The following TRHDE variants were observed in gnomAD, a reference collection of about 807,000 sequenced individuals.
TRHDE encodes the protein thyrotropin-releasing hormone-degrading ectoenzyme.
TRHDE carries 72 observed loss-of-function variants against 125.7 expected under a neutral mutation model. The observed-to-expected ratio is 0.57, with a 90% CI of 0.47 to 0.70. The LOEUF (loss-of-function observed/expected upper bound fraction) is 0.70. TRHDE is among the 30% of genes least tolerant of loss of function. The probability of loss-of-function intolerance (pLI) is 0.00; values close to 1 mark genes in which losing one functional copy is unlikely to be tolerated. For synonymous variants in TRHDE, 509 were observed against 509.1 expected (o/e 1.00, Z 0.00); for missense variants, 1,110 against 1,327.1 (o/e 0.84, Z 2.54).
rs541494018 is a variant in TRHDE, at chr12:72,520,574, A to T, written c.1722+20939A>T. Among the ~76,000 whole-genome samples the T allele has an allele frequency of 2.0e-5, 3 of 152,276 alleles. No homozygotes were observed. The South Asian group carries it at 6.2e-4, about 32-fold the overall frequency. On this transcript the variant is annotated intron_variant, in intron 6 of 18. Coordinates refer to ENST00000261180, the MANE Select transcript of TRHDE (RefSeq NM_013381.3). Reference sequence around the variant, plus strand: ...CCTAGTGAGATGAACCCGGTACCTCAGATGGAAATGCAGAAATCACCTGGC... The same window carrying T: ...CCTAGTGAGATGAACCCGGTACCTCTGATGGAAATGCAGAAATCACCTGGC...
At chr12:72,250,627 A>G (rs775067453) in intron 2 of TRHDE, among the ~76,000 whole-genome samples, 1 of 151,986 alleles carries the variant, frequency 6.6e-6, no homozygotes, top group African/African-American at 2.4e-5. Context: ...TGGATGCTCA[A>G]AGAATGTTTG....
At chr12:72,495,073 T>TG (rs1877853605) in intron 5 of TRHDE, among the ~76,000 whole-genome samples, 3 of 140,940 alleles carry the variant, frequency 2.1e-5, no homozygotes, top group South Asian at 4.6e-4. Flanking sequence ...TTTTTTTTTT[T>TG]TTTTTTTTTT....
At chr12:72,450,270 A>C (rs926902499) in intron 3 of TRHDE, among the ~76,000 whole-genome samples, 4 of 152,018 alleles carry the variant, frequency 2.6e-5, no homozygotes, top group Non-Finnish European at 5.9e-5. Flanking sequence ...TTCTCCTCCC[A>C]TCTAAAGCAG....
At chr12:72,517,621 G>A (rs1049009219) in intron 6 of TRHDE, among the ~76,000 whole-genome samples, 1 of 152,032 alleles carries the variant, frequency 6.6e-6, no homozygotes, top group Non-Finnish European at 1.5e-5. Context: ...ATTTTTTGAA[G>A]GGTTTTTTGT....
At chr12:72,341,583 A>T (rs10879404) in intron 2 of TRHDE, among the ~76,000 whole-genome samples, 2 of 152,026 alleles carry the variant, frequency 1.3e-5, no homozygotes, top group Admixed American at 1.3e-4. Flanking sequence ...TGTTGTTATC[A>T]GATGTTTGCT....
At chr12:72,604,048 T>TA (rs895105047) in intron 12 of TRHDE, among the ~76,000 whole-genome samples, 24 of 150,380 alleles carry the variant, frequency 1.6e-4, no homozygotes, top group South Asian at 4.2e-4. Flanking sequence ...GAATCAAAGA[T>TA]AAAAAAAAAG....
chr12:72,538,497 G>T (rs1350932701), intron 6 of TRHDE, among the ~76,000 whole-genome samples: 1 of 151,892 alleles, frequency 6.6e-6, no homozygotes, highest in Non-Finnish European at 1.5e-5. Context: ...ACAATTATAC[G>T]ATTCTGTTTT....
chr12:72,272,198 C>T, upstream of TRHDE: 1 of 441,172 alleles, frequency 2.3e-6, no homozygotes, highest in Middle Eastern at 3.8e-4. This position sits in a 1 kb window ranked among gnomAD's most constrained non-coding sequence, Gnocchi z 6.7. Context: ...CCCTAACTTC[C>T]CTCTCTACAC....
At chr12:72,580,451 T>C (rs563330567) in intron 12 of TRHDE, among the ~76,000 whole-genome samples, 33 of 152,352 alleles carry the variant, frequency 2.2e-4, no homozygotes, top group African/African-American at 7.9e-4. Flanking sequence ...ATTTGTTTTT[T>C]GTTTTTTGAG....
At chr12:72,133,642 T>C (rs1413597900) in intron 2 of TRHDE, among the ~76,000 whole-genome samples, 5 of 151,576 alleles carry the variant, frequency 3.3e-5, no homozygotes, top group Non-Finnish European at 1.5e-5. Context: ...GGGTAATGAC[T>C]GATATAGAGG....
intron 2 of TRHDE, among the ~76,000 whole-genome samples, chr12:72,238,467 C>T (rs546750719): frequency 3.4e-5 from 5 of 148,778 alleles, no homozygotes; most frequent in East Asian, 2.0e-4. Context: ...TAGGTATGCA[C>T]GTGCCATGCT....
At chr12:72,170,510 C>A (rs1406281204) in intron 2 of TRHDE, among the ~76,000 whole-genome samples, 1 of 152,092 alleles carries the variant, frequency 6.6e-6, no homozygotes, top group Non-Finnish European at 1.5e-5. Context: ...ATATGGCCCT[C>A]ATTGGTCTAC....
At chr12:72,315,918 T>G (rs1468662369) in intron 2 of TRHDE, among the ~76,000 whole-genome samples, 2 of 152,188 alleles carry the variant, frequency 1.3e-5, no homozygotes, top group Non-Finnish European at 2.9e-5. Context: ...AATGATTTTT[T>G]CCCCCTTTTT....
chr12:72,598,422 A>G (rs1057333871), intron 12 of TRHDE, among the ~76,000 whole-genome samples: 2 of 152,206 alleles, frequency 1.3e-5, no homozygotes, highest in African/African-American at 4.8e-5. Flanking sequence ...TGGGAATTTA[A>G]ATGCTTACCT....
At chr12:72,614,336 T>TTTTG (rs1449392198) in intron 12 of TRHDE, among the ~76,000 whole-genome samples, 1 of 70,908 alleles carries the variant, frequency 1.4e-5, no homozygotes, top group Non-Finnish European at 2.4e-5. Flanking sequence ...ATATATTTTT[T>TTTTG]TTTTCTCTAG....
intron 7 of TRHDE, among the ~76,000 whole-genome samples, chr12:72,549,597 G>A (rs1016274557): frequency 6.6e-6 from 1 of 151,728 alleles, no homozygotes; most frequent in African/African-American, 2.4e-5. Flanking sequence ...AATGTCATAT[G>A]ATAATAATGT....
rs755444696 is a variant in TRHDE, at chr12:72,669,951, T to C, written c.*6756T>C. On this transcript the variant is annotated 3_prime_UTR_variant, in exon 19 of 19. Transcript: ENST00000261180. ...CTAAAAAAGATTAGGGCTTGTATTA[T>C]GCATTGTCTAGTTACTTGAACAATA... The C allele has an allele frequency of 2.0e-5, 3 of 151,832 alleles. No individual in the cohort carries two copies. The highest frequency in any genetic ancestry group is 4.4e-5 in the Non-Finnish European group (3 of 67,812). The allele number at this position is 151,832 out of a possible 1,614,324, so 9.4% of individuals were successfully genotyped here.
chr12:72,225,255 T>C (rs1044266057), intron 2 of TRHDE, among the ~76,000 whole-genome samples: 2 of 152,184 alleles, frequency 1.3e-5, no homozygotes, highest in Non-Finnish European at 2.9e-5. Context: ...ATTTCTCTCT[T>C]TGAAGTTAAT....
intron 6 of TRHDE, among the ~76,000 whole-genome samples, chr12:72,520,239 T>C (rs989416522): frequency 1.3e-4 from 20 of 152,222 alleles, no homozygotes; most frequent in Admixed American, 9.8e-4. Context: ...CCTCCCCCAG[T>C]CTCGCTGCTG....
Sources: gnomAD v4.1 joint callset for allele counts (sites outside exome capture counted in the v4.1 genomes callset) on GRCh38, gnomAD v4.1.1 for gene constraint, Gnocchi (gnomAD v3.1) non-coding constraint, MANE v1.5 for transcripts, NCBI Gene and HGNC (gene_info 2026-07-23, HGNC 2026-07-21) for gene names.